Variants in CNNM2 observed in about 807,000 individuals in gnomAD.
CNNM2 encodes metal transporter CNNM2.
In CNNM2, 12 loss-of-function variants were observed where a neutral mutation model predicts 66.9. The ratio of observed to expected loss-of-function variants is 0.18; its 90% CI spans 0.11 to 0.29. The LOEUF is 0.29. Among genes scored for constraint, CNNM2 ranks in the 10% least tolerant of loss-of-function variants. The pLI, the probability that CNNM2 is intolerant of heterozygous loss-of-function variation, is 1.00. For synonymous variants in CNNM2, 557 were observed against 501.8 expected, an observed-to-expected ratio of 1.11 and a Z score of -1.47; for missense variants, 705 against 1,167.7, an observed-to-expected ratio of 0.60 and a Z score of 5.77.
chr10:103,012,076 G>A (rs1189669032), intron 1 of CNNM2, among the ~76,000 whole-genome samples: 1 of 152,132 alleles, frequency 6.6e-6, no homozygotes, highest in Non-Finnish European at 1.5e-5. Flanking sequence ...TTCAGAGGCA[G>A]CCATTGTTAT....
chr10:103,035,220 G>A (rs890453790), intron 1 of CNNM2, among the ~76,000 whole-genome samples: 5 of 152,098 alleles, frequency 3.3e-5, no homozygotes, highest in African/African-American at 1.2e-4. Context: ...TCTTATAAAC[G>A]CTGCAGGCCT....
At position 102,918,750 on chromosome 10, in the gene CNNM2, G is replaced by C. The variant is rs931427775; in HGVS notation, c.270G>C (p.Gly90=). Residue 90 remains glycine, a synonymous_variant, in exon 1 of 8, where the codon GGG becomes GGC. Coordinates refer to ENST00000369878, the MANE Select transcript of CNNM2 (RefSeq NM_017649.5). The surrounding 1 kb of genome is among the most constrained non-coding windows in gnomAD (Gnocchi z 4.1). ...EDTNDVSFME[G]GALRVSERTR... ...CGAACGACGTGTCGTTCATGGAAGG[G>C]GGGGCGCTGCGGGTGAGCGAACGGA... The C allele has an allele frequency of 1.3e-6, 2 of 1,591,240 alleles. No homozygotes were observed. Among genetic ancestry groups the C allele is most frequent in the East Asian group, 2.3e-5 (1 of 43,628 alleles).
At chr10:102,931,846 TAAAA>T (rs774895232) in intron 1 of CNNM2, among the ~76,000 whole-genome samples, 2 of 128,082 alleles carry the variant, frequency 1.6e-5, no homozygotes, top group African/African-American at 2.9e-5. Flanking sequence ...TTGTTATTGT[TAAAA>T]AAAAAAAAAA....
intron 1 of CNNM2, among the ~76,000 whole-genome samples, chr10:102,965,127 C>T (rs1293162046): frequency 1.3e-5 from 2 of 152,190 alleles, no homozygotes; most frequent in Non-Finnish European, 2.9e-5. Flanking sequence ...ATAAATTTCT[C>T]TTCTTTACAA....
chr10:102,918,499 T>C lies in CNNM2; in HGVS notation c.19T>C (p.Cys7Arg). MIGCGACEPKVKMAGGQ... is the reference protein window; with the variant it reads MIGCGAREPKVKMAGGQ... ...CCACCCTATGATTGGCTGTGGCGCTTGTGAACCCAAAGTAAAGATGGCGGG... is the reference window on the plus strand; with the variant it reads ...CCACCCTATGATTGGCTGTGGCGCTCGTGAACCCAAAGTAAAGATGGCGGG... Residue 7 changes from cysteine to arginine, a missense_variant, in exon 1 of 8, where the codon TGT becomes CGT. Cys to Arg is a radical substitution (Grantham distance 180). Transcript: ENST00000369878. The surrounding 1 kb of genome is among the most constrained non-coding windows in gnomAD (Gnocchi z 4.1). 3 of 1,607,454 alleles carry C rather than the reference T, an allele frequency of 1.9e-6. No individual in the cohort carries two copies. The highest frequency in any genetic ancestry group is 2.5e-6 in the Non-Finnish European group (3 of 1,178,368).
At chr10:103,008,001 C>T (rs901950624) in intron 1 of CNNM2, among the ~76,000 whole-genome samples, 1 of 152,192 alleles carries the variant, frequency 6.6e-6, no homozygotes, top group East Asian at 1.9e-4. Context: ...CCCTGACTTC[C>T]CACAACAATT....
chr10:102,944,773 CAT>C (rs1956505044), intron 1 of CNNM2, among the ~76,000 whole-genome samples: 1 of 152,114 alleles, frequency 6.6e-6, no homozygotes, highest in African/African-American at 2.4e-5. Context: ...TCAGTACAAA[CAT>C]ATTATCTAAT....
chr10:103,035,926 T>C (rs1225715793), intron 1 of CNNM2, among the ~76,000 whole-genome samples: 1 of 152,208 alleles, frequency 6.6e-6, no homozygotes, highest in Non-Finnish European at 1.5e-5. Context: ...ACCGGGAAGT[T>C]CATGGATCGA....
chr10:103,025,631 C>T (rs1300068928), intron 1 of CNNM2, among the ~76,000 whole-genome samples: 2 of 152,198 alleles, frequency 1.3e-5, no homozygotes, highest in Non-Finnish European at 2.9e-5. Flanking sequence ...ATTCGTGTTT[C>T]ATACAATAGT....
chr10:103,009,667 G>A (rs1419554562), intron 1 of CNNM2, among the ~76,000 whole-genome samples: 1 of 118,918 alleles, frequency 8.4e-6, no homozygotes, highest in Non-Finnish European at 1.6e-5. Flanking sequence ...ATTCTAGCCT[G>A]AGTCTCCAAA....
chr10:102,974,482 C>T (rs556933713), intron 1 of CNNM2, among the ~76,000 whole-genome samples: 19 of 151,732 alleles, frequency 1.3e-4, no homozygotes, highest in Admixed American at 2.6e-4. Context: ...AATGTGAGTC[C>T]GTAGTGAGAT....
chr10:102,993,129 G>A (rs1263100672), intron 1 of CNNM2, among the ~76,000 whole-genome samples: 1 of 152,186 alleles, frequency 6.6e-6, no homozygotes, highest in Non-Finnish European at 1.5e-5. Flanking sequence ...TTAATTGAAT[G>A]ACTAGATGAT....
At chr10:103,014,962 A>G (rs1049593410) in intron 1 of CNNM2, among the ~76,000 whole-genome samples, 1 of 152,188 alleles carries the variant, frequency 6.6e-6, no homozygotes, top group African/African-American at 2.4e-5. Context: ...CAAATTTAAT[A>G]TATCTGATAT....
intron 1 of CNNM2, among the ~76,000 whole-genome samples, chr10:103,023,311 G>T (rs2064628539): frequency 6.6e-6 from 1 of 152,148 alleles, no homozygotes; most frequent in Non-Finnish European, 1.5e-5. Flanking sequence ...CAACACTTTG[G>T]GTGGCTGACG....
chr10:102,980,206 G>T (rs1590342839), intron 1 of CNNM2, among the ~76,000 whole-genome samples: 1 of 152,108 alleles, frequency 6.6e-6, no homozygotes, highest in Non-Finnish European at 1.5e-5. Context: ...GCCTCCCAGA[G>T]TGCTGGGATT....
chr10:103,069,009 G>T (rs1470979996), intron 5 of CNNM2, among the ~76,000 whole-genome samples: 1 of 152,184 alleles, frequency 6.6e-6, no homozygotes, highest in African/African-American at 2.4e-5. Flanking sequence ...TGGTCCCCCA[G>T]AGTAACTGCT....
Position 102,918,433 on chromosome 10 carries a change from C to T in CNNM2, c.-48C>T, listed in dbSNP as rs756689358. 1.3e-6 allele frequency: 2 copies of T among 1,573,186 alleles called. No homozygotes were observed. The highest frequency in any genetic ancestry group is 1.8e-5 in the Admixed American group (1 of 54,132). The stretch of plus-strand genomic sequence containing the variant: ...TCGCCCAGGGGCCGGTACCTGCGCT[C>T]GCGCCGCCGGGTTGAAAGGATGAAG... On this transcript the variant is annotated 5_prime_UTR_variant, in exon 1 of 8. Transcript: ENST00000369878. The surrounding 1 kb of genome is among the most constrained non-coding windows in gnomAD (Gnocchi z 4.1).
At chr10:103,071,933 C>A in intron 6 of CNNM2, 94 bp downstream of exon 6, 1 of 1,079,010 alleles carries the variant, frequency 9.3e-7, no homozygotes, top group African/African-American at 1.6e-5. Context: ...TTTACCTGGA[C>A]AGGCTGTTTT....
At chr10:103,003,210 C>G (rs764810710) in intron 1 of CNNM2, among the ~76,000 whole-genome samples, 12 of 150,972 alleles carry the variant, frequency 7.9e-5, no homozygotes, top group Admixed American at 3.3e-4. Flanking sequence ...CCTCCTGGGT[C>G]CAAGCGATTC....
Sources: gnomAD v4.1 joint callset for allele counts (sites outside exome capture counted in the v4.1 genomes callset) on GRCh38, gnomAD v4.1.1 for gene constraint, Gnocchi (gnomAD v3.1) non-coding constraint, MANE v1.5 for transcripts, NCBI Gene and HGNC (gene_info 2026-07-23, HGNC 2026-07-21) for gene names.